PDE4B: variants seen among roughly 807,000 people sequenced by gnomAD.
PDE4B encodes phosphodiesterase 4B, also known as 3',5'-cyclic-AMP phosphodiesterase 4B.
PDE4B carries 20 observed loss-of-function variants against 82.2 expected under a neutral mutation model. That is an observed-to-expected ratio of 0.24 (90% CI 0.17 to 0.35). The LOEUF (loss-of-function observed/expected upper bound fraction) is 0.35, where lower values mean the gene tolerates loss of function less well. Ranked by LOEUF, PDE4B falls within the 10% of genes least tolerant of loss-of-function variation. The pLI is 1.00. For missense variants in PDE4B, 655 were observed against 907.2 expected, an observed-to-expected ratio of 0.72 and a Z score of 3.57; for synonymous variants, 320 against 318.9, an observed-to-expected ratio of 1.00 and a Z score of -0.04.
intron 3 of PDE4B, among the ~76,000 whole-genome samples, chr1:66,235,822 A>G (rs1022629473): frequency 6.6e-6 from 1 of 152,154 alleles, no homozygotes; most frequent in African/African-American, 2.4e-5. Context: ...TGAGCAAAGG[A>G]TTTTTTCAGA....
intron 1 of PDE4B, among the ~76,000 whole-genome samples, chr1:65,912,510 T>A (rs1647107346): frequency 7.5e-6 from 1 of 132,798 alleles, no homozygotes; most frequent in African/African-American, 2.8e-5. Context: ...TGCAATGACT[T>A]CCAGTGATCT....
intron 3 of PDE4B, among the ~76,000 whole-genome samples, chr1:65,961,607 T>C (rs1649545866): frequency 6.6e-6 from 1 of 152,158 alleles, no homozygotes; most frequent in Admixed American, 6.6e-5. Flanking sequence ...CTAAATAGCT[T>C]TCCTAAGGTA....
intron 3 of PDE4B, among the ~76,000 whole-genome samples, chr1:66,148,568 C>T (rs905143505): frequency 5.9e-5 from 9 of 152,084 alleles, no homozygotes; most frequent in African/African-American, 1.7e-4. Context: ...TTTATGGAAT[C>T]GTGCAATCAT....
At chr1:65,923,187 T>C (rs1268862832) in intron 3 of PDE4B, among the ~76,000 whole-genome samples, 2 of 152,220 alleles carry the variant, frequency 1.3e-5, no homozygotes, top group Non-Finnish European at 2.9e-5. Flanking sequence ...TCTTCCACTG[T>C]AAAGGCTGTA....
chr1:66,045,782 G>A (rs1433848381), intron 3 of PDE4B, among the ~76,000 whole-genome samples: 2 of 151,348 alleles, frequency 1.3e-5, no homozygotes, highest in African/African-American at 4.9e-5. Context: ...ATGATTAAGA[G>A]TCTGACTAAG....
chr1:66,276,035 T>A (rs1455618767), intron 7 of PDE4B, among the ~76,000 whole-genome samples: 1 of 152,184 alleles, frequency 6.6e-6, no homozygotes, highest in Non-Finnish European at 1.5e-5. Flanking sequence ...ATTTTCTCTC[T>A]GCCCCCTCAG....
chr1:65,943,833 A>T (rs1328860046), intron 3 of PDE4B, among the ~76,000 whole-genome samples: 2 of 151,908 alleles, frequency 1.3e-5, no homozygotes, highest in African/African-American at 4.8e-5. Flanking sequence ...TTATATGTTG[A>T]TTTTATATAC....
intron 1 of PDE4B, among the ~76,000 whole-genome samples, chr1:65,838,473 C>CTATATATATACGTATATG (rs1426554341): frequency 1.4e-5 from 2 of 146,794 alleles, no homozygotes; most frequent in African/African-American, 5.0e-5. Flanking sequence ...TAGATTGTCA[C>CTATATATATACGTATATG]TATATATATA....
intron 3 of PDE4B, among the ~76,000 whole-genome samples, chr1:66,061,154 A>T (rs1655564652): frequency 6.6e-6 from 1 of 151,234 alleles, no homozygotes. Context: ...AGCAAGAAAC[A>T]TGAACTCAGG....
chr1:66,082,892 G>GT (rs1656815626), intron 3 of PDE4B, among the ~76,000 whole-genome samples: 1 of 152,020 alleles, frequency 6.6e-6, no homozygotes, highest in African/African-American at 2.4e-5. Flanking sequence ...TCAGAATCTA[G>GT]TGGGAGATAA....
intron 1 of PDE4B, among the ~76,000 whole-genome samples, chr1:65,909,131 A>G (rs1466482803): frequency 6.6e-6 from 1 of 152,154 alleles, no homozygotes; most frequent in East Asian, 1.9e-4. Flanking sequence ...TATTGGAGAA[A>G]AATGAAGACT....
At chr1:66,272,750 A>G (rs539234409) in intron 7 of PDE4B, among the ~76,000 whole-genome samples, 1 of 147,686 alleles carries the variant, frequency 6.8e-6, no homozygotes, top group Non-Finnish European at 1.5e-5. Flanking sequence ...TCCCCACTCT[A>G]AACCAGCTTC....
At chr1:65,884,440 T>C (rs1571066364) in intron 1 of PDE4B, among the ~76,000 whole-genome samples, 1 of 152,104 alleles carries the variant, frequency 6.6e-6, no homozygotes, top group South Asian at 2.1e-4. Flanking sequence ...GGAGGCATCA[T>C]GCTACCTGAC....
intron 7 of PDE4B, chr1:66,332,054 T>G: frequency 9.3e-7 from 1 of 1,073,966 alleles, no homozygotes; most frequent in Non-Finnish European, 1.1e-6. Context: ...AAAAGCAAAA[T>G]GAGAAAAAGC....
intron 3 of PDE4B, among the ~76,000 whole-genome samples, chr1:65,951,744 CTTTTACCTG>C (rs562436661): frequency 3.4e-4 from 52 of 152,138 alleles, no homozygotes; most frequent in Non-Finnish European, 4.6e-4. Context: ...GCTCTTTCAC[CTTTTACCTG>C]TTTTACCTGT....
At chr1:66,029,659 A>C (rs1275406531) in intron 3 of PDE4B, among the ~76,000 whole-genome samples, 1 of 152,154 alleles carries the variant, frequency 6.6e-6, no homozygotes, top group African/African-American at 2.4e-5. Context: ...TTTGATATGA[A>C]ATATAAGTCA....
At chr1:66,324,181 T>C (rs1659596689) in intron 7 of PDE4B, among the ~76,000 whole-genome samples, 1 of 152,184 alleles carries the variant, frequency 6.6e-6, no homozygotes, top group African/African-American at 2.4e-5. Context: ...ACTAAGCCTA[T>C]CTCTGTAAAA....
chr1:66,352,218 T>C (rs1006289593), intron 8 of PDE4B, among the ~76,000 whole-genome samples: 2 of 152,164 alleles, frequency 1.3e-5, no homozygotes, highest in Non-Finnish European at 2.9e-5. Flanking sequence ...GTTGTGTGTT[T>C]TATGGTTGCC....
At chr1:65,972,696 A>G (rs557276545) in intron 3 of PDE4B, among the ~76,000 whole-genome samples, 2 of 152,190 alleles carry the variant, frequency 1.3e-5, no homozygotes, top group Non-Finnish European at 2.9e-5. Flanking sequence ...ATTCTATCTA[A>G]TATACTCTGA....
Sources: allele counts gnomAD v4.1 joint callset (sites outside exome capture counted in the v4.1 genomes callset), GRCh38; gene constraint gnomAD v4.1.1; transcripts MANE v1.5; gene names NCBI Gene and HGNC (gene_info 2026-07-23, HGNC 2026-07-21).